PARD3: variants seen among roughly 807,000 people sequenced by gnomAD.
PARD3 encodes the protein par-3 family cell polarity regulator.
PARD3 carries 75 observed loss-of-function variants against 155.4 expected under a neutral mutation model. The observed-to-expected ratio is 0.48, with a 90% CI of 0.40 to 0.58. PARD3 has a LOEUF of 0.58. Among genes scored for constraint, PARD3 ranks in the 20% least tolerant of loss-of-function variants. The probability of loss-of-function intolerance (pLI) is 0.00; values close to 1 mark genes in which losing one functional copy is unlikely to be tolerated. For missense variants in PARD3, 1,642 were observed against 1,721.7 expected (o/e 0.95, Z 0.82); for synonymous variants, 576 against 610.5 (o/e 0.94, Z 0.83).
intron 22 of PARD3, among the ~76,000 whole-genome samples, chr10:34,241,717 T>G (rs1275911410): frequency 1.3e-5 from 2 of 152,098 alleles, no homozygotes; most frequent in Admixed American, 1.3e-4. Flanking sequence ...CACTTGAGCC[T>G]GTGGGAGTAA....
At chr10:34,608,149 G>C (rs1458274262) in intron 2 of PARD3, among the ~76,000 whole-genome samples, 1 of 152,072 alleles carries the variant, frequency 6.6e-6, no homozygotes, top group Non-Finnish European at 1.5e-5. Context: ...CACGGTCCCA[G>C]CACAGGATGC....
At chr10:34,596,464 C>T (rs903364509) in intron 2 of PARD3, among the ~76,000 whole-genome samples, 1 of 152,114 alleles carries the variant, frequency 6.6e-6, no homozygotes, top group African/African-American at 2.4e-5. Context: ...GCGGAAGGCA[C>T]CTCTTCACAA....
intron 2 of PARD3, among the ~76,000 whole-genome samples, chr10:34,535,316 C>T (rs1014319928): frequency 6.6e-6 from 1 of 152,038 alleles, no homozygotes; most frequent in African/African-American, 2.4e-5. Context: ...CATCAGAGAA[C>T]GCTGTCTTGG....
At chr10:34,764,257 A>G (rs1003220621) in intron 1 of PARD3, among the ~76,000 whole-genome samples, 1 of 152,218 alleles carries the variant, frequency 6.6e-6, no homozygotes, top group East Asian at 1.9e-4. Context: ...AAACTTCTGA[A>G]GGAAGGCATT....
At chr10:34,161,430 G>A (rs1352085631) in intron 22 of PARD3, among the ~76,000 whole-genome samples, 1 of 151,796 alleles carries the variant, frequency 6.6e-6, no homozygotes, top group Non-Finnish European at 1.5e-5. Context: ...CATGACCTAG[G>A]GCACTTGGAT....
At chr10:34,689,263 A>G (rs2094005510) in intron 2 of PARD3, among the ~76,000 whole-genome samples, 1 of 152,222 alleles carries the variant, frequency 6.6e-6, no homozygotes, top group Non-Finnish European at 1.5e-5. Context: ...TGTCAGAGCC[A>G]CGGAAAAGAG....
At chr10:34,533,049 G>C (rs768712816) in intron 2 of PARD3, among the ~76,000 whole-genome samples, 1 of 152,156 alleles carries the variant, frequency 6.6e-6, no homozygotes, top group South Asian at 2.1e-4. Context: ...AAACACAATG[G>C]TAAGTATTTG....
At chr10:34,142,410 G>A (rs369062117) in intron 22 of PARD3, among the ~76,000 whole-genome samples, 14 of 151,754 alleles carry the variant, frequency 9.2e-5, no homozygotes, top group Admixed American at 7.9e-4. Flanking sequence ...GTGGTGGTGC[G>A]TGTAGGCCCA....
At chr10:34,742,519 T>C (rs77128873) in intron 1 of PARD3, among the ~76,000 whole-genome samples, 3,164 of 152,290 alleles carry the variant, frequency 0.021, 119 homozygotes, top group African/African-American at 0.072. Flanking sequence ...TTCTTTACTT[T>C]TCAGTTTCCG....
intron 19 of PARD3, among the ~76,000 whole-genome samples, chr10:34,319,247 C>T (rs1958224875): frequency 6.6e-6 from 1 of 151,792 alleles, no homozygotes; most frequent in African/African-American, 2.4e-5. Context: ...CGCCACCACA[C>T]CCAGCTAATT....
chr10:34,498,640 G>T (rs1338555344), intron 3 of PARD3, among the ~76,000 whole-genome samples: 1 of 152,146 alleles, frequency 6.6e-6, no homozygotes, highest in Non-Finnish European at 1.5e-5. Context: ...AGCCAAGTGT[G>T]GTGGTGCACA....
intron 1 of PARD3, among the ~76,000 whole-genome samples, chr10:34,811,187 T>C (rs770563068): frequency 6.6e-6 from 1 of 152,188 alleles, no homozygotes; most frequent in Non-Finnish European, 1.5e-5. Context: ...GTCATCCTCC[T>C]AGAACTACTT....
At chr10:34,183,629 C>T (rs1166358699) in intron 22 of PARD3, among the ~76,000 whole-genome samples, 2 of 152,166 alleles carry the variant, frequency 1.3e-5, no homozygotes, top group African/African-American at 4.8e-5. Context: ...ATGGCGTCTG[C>T]ATTTGCATAT....
At chr10:34,601,848 CTATGGAGACA>C (rs2089809384) in intron 2 of PARD3, among the ~76,000 whole-genome samples, 1 of 152,146 alleles carries the variant, frequency 6.6e-6, no homozygotes, top group South Asian at 2.1e-4. Context: ...AAATTTTCAG[CTATGGAGACA>C]TCATTTGAAA....
chr10:34,137,039 G>C (rs184784313), intron 22 of PARD3, among the ~76,000 whole-genome samples: 68 of 152,146 alleles, frequency 4.5e-4, no homozygotes, highest in African/African-American at 1.6e-3. Context: ...ACACCTTCTG[G>C]GGTTCACACC....
intron 22 of PARD3, among the ~76,000 whole-genome samples, chr10:34,225,760 A>G (rs1588845649): frequency 6.6e-6 from 1 of 152,250 alleles, no homozygotes; most frequent in African/African-American, 2.4e-5. Flanking sequence ...AGGCATGTAC[A>G]TAAGAGCTAA....
At chr10:34,429,691 T>C (rs1169569462) in intron 5 of PARD3, among the ~76,000 whole-genome samples, 1 of 152,144 alleles carries the variant, frequency 6.6e-6, no homozygotes, top group Non-Finnish European at 1.5e-5. Context: ...GTTCAAGCAA[T>C]TCTCCTGCCT....
intron 3 of PARD3, among the ~76,000 whole-genome samples, chr10:34,481,566 G>A (rs1029313624): frequency 6.6e-6 from 1 of 152,164 alleles, no homozygotes; most frequent in Non-Finnish European, 1.5e-5. Context: ...ACACATCAGG[G>A]AGTGATCTGG....
At chr10:34,154,822 G>A (rs952320745) in intron 22 of PARD3, among the ~76,000 whole-genome samples, 3 of 152,044 alleles carry the variant, frequency 2.0e-5, no homozygotes, top group South Asian at 2.1e-4. Context: ...TTTCTTTCCC[G>A]GTTAATTTGG....
Sources: gnomAD v4.1 joint callset for allele counts (sites outside exome capture counted in the v4.1 genomes callset) on GRCh38, gnomAD v4.1.1 for gene constraint, MANE v1.5 for transcripts, NCBI Gene and HGNC (gene_info 2026-07-23, HGNC 2026-07-21) for gene names.